The following ADPRHL1 variants were observed in gnomAD, a reference collection of about 807,000 sequenced individuals.
The protein encoded by ADPRHL1 is ADP-ribosylhydrolase like 1.
In ADPRHL1, 43 loss-of-function variants were observed where a neutral mutation model predicts 44.1. The ratio of observed to expected loss-of-function variants is 0.98; its 90% CI spans 0.76 to 1.26. The LOEUF is 1.26. Ranked by LOEUF, ADPRHL1 falls within the 50% of genes most tolerant of loss-of-function variation. The pLI is 0.00. For synonymous variants in ADPRHL1, 878 were observed against 1,017.4 expected (o/e 0.86, Z 2.61); for missense variants, 2,022 against 2,496.9 (o/e 0.81, Z 4.05).
Position 113,451,412 on chromosome 13 carries a change from G to A in ADPRHL1, c.214+1812C>T, listed in dbSNP as rs138772203. 2.2e-3 allele frequency among the ~76,000 whole-genome samples: 340 copies of A among 152,206 alleles called. 2 individuals are homozygous for A. Among genetic ancestry groups the A allele is most frequent in the Middle Eastern group, 6.8e-3 (2 of 294 alleles). On this transcript the variant is annotated intron_variant, in intron 1 of 7. Transcript: ENST00000612156. ...CAATTCCAGGGGTGATCTTGGATGC[G>A]TATTTTCTCATGACCCACAAACTAG... is the stretch of plus-strand genomic sequence containing the variant.
At chr13:113,447,303 A>C (rs1204064979) in intron 1 of ADPRHL1, among the ~76,000 whole-genome samples, 1 of 137,738 alleles carries the variant, frequency 7.3e-6, no homozygotes, top group Admixed American at 7.2e-5. Flanking sequence ...TTGTGTGTGC[A>C]TGGCGTCTAC....
At chr13:113,430,683 A>G (rs1447629486) in intron 3 of ADPRHL1, among the ~76,000 whole-genome samples, 1 of 150,292 alleles carries the variant, frequency 6.7e-6, no homozygotes, top group African/African-American at 2.5e-5. Flanking sequence ...TGGTGACAAA[A>G]GCGGAGCAGT....
Position 113,448,502 on chromosome 13 carries a change from G to A in ADPRHL1, c.215-3913C>T, listed in dbSNP as rs2044157809. Among the ~76,000 whole-genome samples the A allele has an allele frequency of 2.1e-5, 3 of 143,074 alleles. No homozygotes were observed. In the South Asian group the frequency reaches 6.6e-4, roughly 32 times the overall value. The allele number at this position is 143,074 out of a possible 152,430, so 93.9% of individuals were successfully genotyped here. On this transcript the variant is annotated intron_variant, in intron 1 of 7. Coordinates refer to ENST00000612156, the MANE Select transcript of ADPRHL1 (RefSeq NM_001394807.1). The stretch of plus-strand genomic sequence containing the variant: ...AAAAAAAAAAAAAAATGGTGCCTGA[G>A]TCTCCCAACCCATGTCTCAATAAAG...
chr13:113,442,434 C>T (rs746389724), intron 2 of ADPRHL1, among the ~76,000 whole-genome samples: 3 of 152,348 alleles, frequency 2.0e-5, no homozygotes, highest in Non-Finnish European at 2.9e-5. Context: ...GTGCTCCAGC[C>T]TGGGTGACAG....
chr13:113,413,767 G>A (rs764057971), intron 7 of ADPRHL1, among the ~76,000 whole-genome samples: 4 of 152,302 alleles, frequency 2.6e-5, no homozygotes, highest in Middle Eastern at 6.8e-3. Flanking sequence ...GGGCGAGACC[G>A]GGCCTCCCTC....
chr13:113,414,096 C>A (rs376185914), intron 7 of ADPRHL1, among the ~76,000 whole-genome samples: 26 of 152,198 alleles, frequency 1.7e-4, no homozygotes, highest in African/African-American at 6.3e-4. Context: ...CCTGGCCCTG[C>A]GGCAGGGAAC....
At chr13:113,443,480 G>A (rs374104301) in intron 2 of ADPRHL1, among the ~76,000 whole-genome samples, 4 of 150,438 alleles carry the variant, frequency 2.7e-5, no homozygotes, top group African/African-American at 9.8e-5. Flanking sequence ...TTAACTGGGT[G>A]TAGTGGAATG....
At chr13:113,444,328 C>T in intron 2 of ADPRHL1, 97 bp downstream of exon 2, 1 of 1,500,534 alleles carries the variant, frequency 6.7e-7, no homozygotes, top group Admixed American at 1.9e-5. Flanking sequence ...TCACTGAAGC[C>T]ACCTGGAGAT....
At chr13:113,425,933 G>A (rs915163826) in intron 4 of ADPRHL1, among the ~76,000 whole-genome samples, 1 of 151,944 alleles carries the variant, frequency 6.6e-6, no homozygotes, top group Non-Finnish European at 1.5e-5. Context: ...CTCCCACCTC[G>A]GCTTCCCAAA....
chr13:113,446,611 T>C (rs1410426848), intron 1 of ADPRHL1, among the ~76,000 whole-genome samples: 1 of 152,120 alleles, frequency 6.6e-6, no homozygotes, highest in African/African-American at 2.4e-5. Context: ...GTTATCCACA[T>C]GCACAGTGTT....
rs2044188223 is a variant in ADPRHL1 at position 113,453,081 on chromosome 13, T to C, written c.214+143A>G. The C allele has an allele frequency of 1.2e-6, 1 of 836,030 alleles. No individual in the cohort carries two copies. 51.8% of individuals were successfully genotyped at this position (836,030 alleles called of 1,614,324 possible). On this transcript the variant is annotated intron_variant, in intron 1 of 7. Coordinates refer to ENST00000612156, the MANE Select transcript of ADPRHL1 (RefSeq NM_001394807.1). This position sits in a 1 kb window ranked among gnomAD's most constrained non-coding sequence, Gnocchi z 5.4. ...AATTTGAGGGACACTCAGATTAAAT[T>C]GCCACTTTTAGCAGCGGTATCAGGT...
rs550543028 is a variant in ADPRHL1 at position 113,403,868 on chromosome 13, C to A, written c.5414G>T (p.Arg1805Leu). 5.6e-6 allele frequency: 7 copies of A among 1,258,340 alleles called. No individual in the cohort carries two copies. The highest frequency in any genetic ancestry group is 1.5e-5 in the African/African-American group (1 of 64,662). 77.9% of individuals were successfully genotyped at this position (1,258,340 alleles called of 1,614,324 possible). ...CATCCCACTTGTCAAGGCCTGTTCCCGACCCTGTTCCCAAGCCCGTTCCTG... is the reference window on the plus strand; with the variant it reads ...CATCCCACTTGTCAAGGCCTGTTCCAGACCCTGTTCCCAAGCCCGTTCCTG... ...GAQERAWEQG[R>L]EQALTSGMAP... Residue 1805 changes from arginine (R) to leucine (L), a missense_variant, in exon 8 of 8, where the codon CGG becomes CTG. Arg to Leu is a moderately radical substitution (Grantham distance 102). Transcript: ENST00000612156.
In ADPRHL1 at chr13:113,441,414, CT is replaced by C. The variant is rs2044097500; in HGVS notation, c.379+3010del. ...CTGGGGCTTACTATTGCTAACTCTT[CT>C]GTGATTTCAGCGGTGGCTTTTGGGT... On this transcript the variant is annotated intron_variant, in intron 2 of 7. Transcript: ENST00000612156. This position sits in a 1 kb window ranked among gnomAD's most constrained non-coding sequence, Gnocchi z 6.0. Among the ~76,000 whole-genome samples the C allele has an allele frequency of 6.6e-6, 1 of 152,100 alleles. No homozygotes were observed. The highest frequency in any genetic ancestry group is 1.5e-5 in the Non-Finnish European group (1 of 68,032).
chr13:113,450,961 C>CCG (rs929562224), intron 1 of ADPRHL1, among the ~76,000 whole-genome samples: 3 of 150,764 alleles, frequency 2.0e-5, no homozygotes, highest in Admixed American at 2.0e-4. Context: ...GACCCCCCCC[C>CCG]CCTTCCTGGT....
At position 113,406,453 on chromosome 13, in the gene ADPRHL1, A is replaced by G; in HGVS notation, c.2829T>C (p.Leu943=). 19 of 1,231,982 alleles carry G rather than the reference A, an allele frequency of 1.5e-5. No individual in the cohort carries two copies. Among genetic ancestry groups the G allele is most frequent in the Non-Finnish European group, 1.8e-5 (18 of 987,970 alleles). 76.3% of individuals were successfully genotyped at this position (1,231,982 alleles called of 1,614,324 possible). ...VGADHSVPET[L]LTQRLQTDPA... is the part of the protein sequence containing the mutation. ...GATCTGTCTGGAGTCTCTGTGTCAG[A>G]AGTGTCTCTGGGACACTGTGGTCGG... is the stretch of plus-strand genomic sequence containing the variant. The change falls in exon 8 of 8, where the codon CTT becomes CTC. Residue 943 remains leucine, a synonymous_variant. Coordinates refer to ENST00000612156, the MANE Select transcript of ADPRHL1 (RefSeq NM_001394807.1).
chr13:113,445,892 G>A (rs979257170), intron 1 of ADPRHL1, among the ~76,000 whole-genome samples: 7 of 150,650 alleles, frequency 4.6e-5, no homozygotes, highest in African/African-American at 9.7e-5. Flanking sequence ...GAGAGAGCAC[G>A]CGCGTGTAGG....
rs1029780146 is a variant in ADPRHL1 at position 113,400,787 on chromosome 13, G to C, written c.*2591C>G. On this transcript the variant is annotated 3_prime_UTR_variant, in exon 8 of 8. Coordinates refer to ENST00000612156, the MANE Select transcript of ADPRHL1 (RefSeq NM_001394807.1). Reference sequence around the variant, plus strand: ...CTGCATCTGGCACATGGAGAGGACGGGCCAGTCGAGCAGGTGGCCTCCTGG... The same window carrying C: ...CTGCATCTGGCACATGGAGAGGACGCGCCAGTCGAGCAGGTGGCCTCCTGG... 2.6e-5 allele frequency: 4 copies of C among 152,226 alleles called. No individual in the cohort carries two copies. The highest frequency in any genetic ancestry group is 9.7e-5 in the African/African-American group (4 of 41,444). The allele number at this position is 152,226 out of a possible 1,614,324, so 9.4% of individuals were successfully genotyped here.
chr13:113,406,485 C>T lies in ADPRHL1; in HGVS notation c.2797G>A (p.Val933Met). Residue 933 changes from valine (V) to methionine (M), a missense_variant, in exon 8 of 8, where the codon GTG (valine) becomes ATG (methionine). By Grantham distance (21) the Val-to-Met change is conservative. Coordinates refer to ENST00000612156, the MANE Select transcript of ADPRHL1 (RefSeq NM_001394807.1). ...APRLAAARGA[V>M]GADHSVPETL... ...TCTGGGACACTGTGGTCGGCGCCCA[C>T]AGCCCCTCTTGCTGCTGCCAGACGC... 8.1e-7 allele frequency: 1 copy of T among 1,232,012 alleles called. No individual in the cohort carries two copies. Among genetic ancestry groups the T allele is most frequent in the Non-Finnish European group, 1.0e-6 (1 of 987,986 alleles). The allele number at this position is 1,232,012 out of a possible 1,614,324, so 76.3% of individuals were successfully genotyped here.
At chr13:113,429,618 G>C (rs1187835096) in intron 3 of ADPRHL1, among the ~76,000 whole-genome samples, 1 of 152,266 alleles carries the variant, frequency 6.6e-6, no homozygotes, top group Non-Finnish European at 1.5e-5. Context: ...GCGTCACGTA[G>C]ACCTTTAGCA....
Sources: allele counts gnomAD v4.1 joint callset (sites outside exome capture counted in the v4.1 genomes callset), GRCh38; gene constraint gnomAD v4.1.1; non-coding constraint Gnocchi (gnomAD v3.1); transcripts MANE v1.5; gene names NCBI Gene and HGNC (gene_info 2026-07-23, HGNC 2026-07-21).